GTF2F2: variants seen among roughly 807,000 people sequenced by gnomAD.
GTF2F2 encodes general transcription factor IIF subunit 2.
A neutral mutation model predicts 42.2 loss-of-function variants in GTF2F2; 23 were observed. The ratio of observed to expected loss-of-function variants is 0.55; its 90% CI spans 0.39 to 0.77. The LOEUF is 0.77. Ranked by LOEUF, GTF2F2 falls within the 30% of genes least tolerant of loss-of-function variation. The pLI, the probability that GTF2F2 is intolerant of heterozygous loss-of-function variation, is 0.00. For synonymous variants in GTF2F2, 105 were observed against 100.8 expected (o/e 1.04, Z -0.25); for missense variants, 261 against 287.2 (o/e 0.91, Z 0.66).
rs752365096 is a variant in GTF2F2 at position 45,193,858 on chromosome 13, C to G, written c.305-13566C>G. 3.1e-6 allele frequency: 5 copies of G among 1,614,058 alleles called. No individual in the cohort carries two copies. The East Asian group carries it at 1.1e-4, about 36-fold the overall frequency. ...GGAACAATCCAGGCTGGTCAGCAGT[C>G]TAAAGCCACACTTTAAAGCCATCAT... is the stretch of plus-strand genomic sequence containing the variant. On this transcript the variant is annotated intron_variant, in intron 4 of 7. Transcript: ENST00000340473.
intron 2 of GTF2F2, among the ~76,000 whole-genome samples, chr13:45,145,383 T>G (rs192302365): frequency 1.5e-3 from 230 of 152,328 alleles, no homozygotes; most frequent in Admixed American, 2.4e-3. Context: ...TAGCCATTTC[T>G]CCAAGGGGTT....
At chr13:45,152,481 T>G (rs537472623) in intron 4 of GTF2F2, among the ~76,000 whole-genome samples, 1 of 152,336 alleles carries the variant, frequency 6.6e-6, no homozygotes, top group South Asian at 2.1e-4. Flanking sequence ...CATCCTTGCT[T>G]GTTTTAGTAA....
At chr13:45,265,670 C>G (rs1022515049) in intron 6 of GTF2F2, among the ~76,000 whole-genome samples, 5 of 152,258 alleles carry the variant, frequency 3.3e-5, no homozygotes, top group African/African-American at 1.2e-4. Context: ...TTGACAGTCT[C>G]TCATAAGACA....
At chr13:45,153,967 A>T (rs1241393462) in intron 4 of GTF2F2, among the ~76,000 whole-genome samples, 1 of 128,864 alleles carries the variant, frequency 7.8e-6, no homozygotes, top group Non-Finnish European at 1.6e-5. Flanking sequence ...ACAGAGGGAG[A>T]CTCAGTCTCA....
intron 5 of GTF2F2, among the ~76,000 whole-genome samples, chr13:45,248,079 A>G (rs1312737738): frequency 6.6e-6 from 1 of 152,042 alleles, no homozygotes; most frequent in African/African-American, 2.4e-5. Context: ...TCCTGACCTC[A>G]TGATCTGCCC....
chr13:45,184,260 A>G (rs1308774667), intron 4 of GTF2F2, among the ~76,000 whole-genome samples: 1 of 152,132 alleles, frequency 6.6e-6, no homozygotes, highest in African/African-American at 2.4e-5. Context: ...GGAAAGAGGT[A>G]GATAGGGTGT....
intron 7 of GTF2F2, among the ~76,000 whole-genome samples, chr13:45,281,811 C>T (rs1345373183): frequency 6.6e-6 from 1 of 152,208 alleles, no homozygotes; most frequent in Non-Finnish European, 1.5e-5. Flanking sequence ...TGGGATGAGT[C>T]ATCATCATAC....
chr13:45,220,322 C>A (rs1010994788), intron 5 of GTF2F2, among the ~76,000 whole-genome samples: 6 of 152,158 alleles, frequency 3.9e-5, no homozygotes, highest in African/African-American at 1.4e-4. Flanking sequence ...TACTGAGCAT[C>A]TAGTGTATAC....
At chr13:45,229,440 C>T (rs1874556442) in intron 5 of GTF2F2, among the ~76,000 whole-genome samples, 2 of 152,090 alleles carry the variant, frequency 1.3e-5, no homozygotes, top group African/African-American at 4.8e-5. Flanking sequence ...GGCAGCTCTT[C>T]CTACACACTG....
In GTF2F2 at chr13:45,136,825, CT is replaced by C; in HGVS notation, c.140+21del. The stretch of plus-strand genomic sequence containing the variant: ...TTGCCAAGTAAGTTATTTACATATT[CT>C]TGACATTTTAAAAAGCTATTTTTGA... On this transcript the variant is annotated intron_variant, in intron 2 of 7. Transcript: ENST00000340473. 1 of 1,383,850 alleles carries C rather than the reference CT, an allele frequency of 7.2e-7. No individual in the cohort carries two copies. The highest frequency in any genetic ancestry group is 1.0e-6 in the Non-Finnish European group (1 of 979,400). The allele number at this position is 1,383,850 out of a possible 1,614,324, so 85.7% of individuals were successfully genotyped here.
intron 5 of GTF2F2, among the ~76,000 whole-genome samples, chr13:45,247,898 G>A (rs149635334): frequency 3.3e-5 from 5 of 152,240 alleles, no homozygotes; most frequent in East Asian, 1.9e-4. Flanking sequence ...AGGCATGAGT[G>A]CAGTGGAGAC....
intron 7 of GTF2F2, among the ~76,000 whole-genome samples, chr13:45,279,256 T>A (rs1341683219): frequency 1.3e-5 from 2 of 152,210 alleles, no homozygotes; most frequent in Non-Finnish European, 2.9e-5. Context: ...AATATATGAA[T>A]GTTAAAAAGA....
chr13:45,277,506 C>G (rs1877088362), intron 7 of GTF2F2, among the ~76,000 whole-genome samples: 1 of 152,236 alleles, frequency 6.6e-6, no homozygotes, highest in Non-Finnish European at 1.5e-5. Flanking sequence ...ATGATCCAAT[C>G]ACCTCTCCCC....
chr13:45,148,178 G>T (rs1328782954), intron 2 of GTF2F2, among the ~76,000 whole-genome samples: 1 of 152,186 alleles, frequency 6.6e-6, no homozygotes, highest in African/African-American at 2.4e-5. Context: ...TGGAGAAACA[G>T]TGGTTTTCTA....
intron 4 of GTF2F2, among the ~76,000 whole-genome samples, chr13:45,158,588 T>G (rs1395113183): frequency 6.6e-6 from 1 of 152,208 alleles, no homozygotes; most frequent in Non-Finnish European, 1.5e-5. Flanking sequence ...CCCTTCTTTT[T>G]CCTCTGTCAG....
intron 7 of GTF2F2, among the ~76,000 whole-genome samples, chr13:45,280,447 A>G (rs9595284): frequency 0.39 from 59,742 of 151,984 alleles, 13,660 homozygotes; most frequent in African/African-American, 0.62. Context: ...TTCCCTGCCA[A>G]GCTAATTTAT....
chr13:45,247,169 G>A (rs1040674162), intron 5 of GTF2F2, among the ~76,000 whole-genome samples: 7 of 151,844 alleles, frequency 4.6e-5, no homozygotes, highest in African/African-American at 1.7e-4. Context: ...GACCAACATT[G>A]CAAAACCCTG....
chr13:45,279,745 A>C (rs144922180), intron 7 of GTF2F2, among the ~76,000 whole-genome samples: 7 of 152,266 alleles, frequency 4.6e-5, no homozygotes, highest in African/African-American at 1.7e-4. Flanking sequence ...GTCTCTCCTA[A>C]AAATACAAAA....
At chr13:45,245,097 A>G (rs1466479875) in intron 5 of GTF2F2, among the ~76,000 whole-genome samples, 1 of 152,202 alleles carries the variant, frequency 6.6e-6, no homozygotes, top group East Asian at 1.9e-4. Context: ...AATTCAAAAT[A>G]GAAGGTGGTA....
Sources: allele counts gnomAD v4.1 joint callset (sites outside exome capture counted in the v4.1 genomes callset), GRCh38; gene constraint gnomAD v4.1.1; transcripts MANE v1.5; gene names NCBI Gene and HGNC (gene_info 2026-07-23, HGNC 2026-07-21).